Variants in OSBPL9 observed in about 807,000 individuals in gnomAD.
The protein encoded by OSBPL9 is oxysterol-binding protein-related protein 9.
In OSBPL9, 40 loss-of-function variants were observed where a neutral mutation model predicts 106.6. The observed-to-expected ratio is 0.38, with a 90% confidence interval of 0.29 to 0.49. OSBPL9 has a LOEUF of 0.49. OSBPL9 is among the 20% of genes least tolerant of loss of function. OSBPL9 has a pLI of 0.97. For missense variants in OSBPL9, 609 were observed against 887.2 expected (o/e 0.69, Z 3.98); for synonymous variants, 269 against 295.4 (o/e 0.91, Z 0.92).
At chr1:51,753,497 T>A (rs1452637540) in intron 8 of OSBPL9, among the ~76,000 whole-genome samples, 1 of 152,172 alleles carries the variant, frequency 6.6e-6, no homozygotes, top group Non-Finnish European at 1.5e-5. Context: ...TTGGAGAACT[T>A]CCATTGAGTA....
At chr1:51,597,461 A>G (rs556048846) in intron 1 of OSBPL9, among the ~76,000 whole-genome samples, 392 of 144,428 alleles carry the variant, frequency 2.7e-3, no homozygotes, top group South Asian at 0.012. Context: ...GTGTGTGTGT[A>G]TATACACACA....
intron 4 of OSBPL9, among the ~76,000 whole-genome samples, chr1:51,736,035 C>T (rs1665613651): frequency 6.6e-6 from 1 of 152,022 alleles, no homozygotes; most frequent in Non-Finnish European, 1.5e-5. Context: ...GAACTAGTTC[C>T]TTGATTACTT....
At chr1:51,600,730 A>G (rs1478944303) in intron 2 of OSBPL9, among the ~76,000 whole-genome samples, 1 of 152,194 alleles carries the variant, frequency 6.6e-6, no homozygotes, top group African/African-American at 2.4e-5. Flanking sequence ...TACTTGAGGT[A>G]CTTAGAAGTT....
At chr1:51,595,309 T>G (rs982414137) in intron 1 of OSBPL9, among the ~76,000 whole-genome samples, 1 of 152,118 alleles carries the variant, frequency 6.6e-6, no homozygotes, top group African/African-American at 2.4e-5. Flanking sequence ...CGCTCTCACT[T>G]GATTCCGTTC....
At chr1:51,580,948 ATATATAAC>A (rs1645218198) in intron 1 of OSBPL9, among the ~76,000 whole-genome samples, 1 of 1,202 alleles carries the variant, frequency 8.3e-4, no homozygotes, top group African/African-American at 2.3e-3. Context: ...ATATATATAT[ATATATAAC>A]TTTTTTGAAA....
At chr1:51,548,653 G>A in the OSBPL9 span, among the ~76,000 whole-genome samples, 1 of 152,190 alleles carries the variant, frequency 6.6e-6, no homozygotes. Flanking sequence ...ACCTCCCTCA[G>A]TCCTGGGATT....
intron 4 of OSBPL9, among the ~76,000 whole-genome samples, chr1:51,731,593 A>G (rs1299557278): frequency 6.6e-6 from 1 of 152,114 alleles, no homozygotes; most frequent in African/African-American, 2.4e-5. Flanking sequence ...ACTGGCCAAC[A>G]TGGTGAAACC....
chr1:51,562,825 CT>C, the OSBPL9 span, among the ~76,000 whole-genome samples: 1 of 152,206 alleles, frequency 6.6e-6, no homozygotes, highest in Admixed American at 6.5e-5. Flanking sequence ...ATCATGCTTG[CT>C]TCAGTCAGTT....
the OSBPL9 span, among the ~76,000 whole-genome samples, chr1:51,529,043 T>G: frequency 1.3e-5 from 2 of 152,202 alleles, no homozygotes; most frequent in East Asian, 3.8e-4. Flanking sequence ...GTTCATGAAT[T>G]GGAAGACTTA....
intron 1 of OSBPL9, among the ~76,000 whole-genome samples, chr1:51,594,413 AAAAG>A (rs1195082679): frequency 1.3e-5 from 2 of 152,116 alleles, no homozygotes; most frequent in Admixed American, 6.5e-5. Flanking sequence ...AAAAAAATAA[AAAAG>A]AAAGAAACAG....
intron 17 of OSBPL9, 75 bp from the exon 18 acceptor site, chr1:51,783,840 A>G: frequency 8.9e-7 from 1 of 1,119,274 alleles, no homozygotes; most frequent in South Asian, 1.4e-5. Context: ...GAAGCCAATT[A>G]TTTCCCCAGG....
intron 3 of OSBPL9, among the ~76,000 whole-genome samples, chr1:51,697,200 G>A (rs1656218875): frequency 7.4e-6 from 1 of 135,786 alleles, no homozygotes; most frequent in South Asian, 2.2e-4. Context: ...AGAAAAAAGC[G>A]TGAAGATAAT....
intron 1 of OSBPL9, among the ~76,000 whole-genome samples, chr1:51,588,006 A>C (rs1263217854): frequency 1.3e-5 from 2 of 152,242 alleles, no homozygotes; most frequent in Non-Finnish European, 2.9e-5. Context: ...AACCTCTCTG[A>C]ACCTGTTTCC....
At position 51,617,106 on chromosome 1, in the gene OSBPL9, C is replaced by A. The variant is rs763418013; in HGVS notation, c.-5C>A. On this transcript the variant is annotated 5_prime_UTR_variant, in exon 1 of 24. Coordinates refer to ENST00000428468, the MANE Select transcript of OSBPL9 (RefSeq NM_024586.6). ...GGCCGTTTGTTGTCATTGGCGGCTC[C>A]CAAGATGGCGTCCATCATGGAAGGG... 13 of 1,608,004 alleles carry A rather than the reference C, an allele frequency of 8.1e-6. No homozygotes were observed. The highest frequency in any genetic ancestry group is 1.7e-5 in the Admixed American group (1 of 59,000).
chr1:51,596,862 G>A (rs1275369315), intron 1 of OSBPL9, among the ~76,000 whole-genome samples: 2 of 152,190 alleles, frequency 1.3e-5, no homozygotes, highest in East Asian at 3.8e-4. Flanking sequence ...AGATACAGTG[G>A]AGAACAAGAC....
chr1:51,548,547 G>C, the OSBPL9 span, among the ~76,000 whole-genome samples: 1 of 151,570 alleles, frequency 6.6e-6, no homozygotes, highest in African/African-American at 2.4e-5. Context: ...GCTCCACGAT[G>C]CCCAGCTGAT....
chr1:51,736,714 C>A (rs1665785111), intron 4 of OSBPL9, among the ~76,000 whole-genome samples: 1 of 151,988 alleles, frequency 6.6e-6, no homozygotes, highest in Admixed American at 6.6e-5. Context: ...TTTGATGGAT[C>A]CTTAAAAGTA....
chr1:51,619,969 AAT>A (rs1644326277), intron 1 of OSBPL9, among the ~76,000 whole-genome samples: 1 of 152,126 alleles, frequency 6.6e-6, no homozygotes, highest in Non-Finnish European at 1.5e-5. Flanking sequence ...TGTGGTTGTT[AAT>A]ATATTCTAGG....
chr1:51,718,123 T>G (rs1299419699), intron 4 of OSBPL9, among the ~76,000 whole-genome samples: 1 of 152,234 alleles, frequency 6.6e-6, no homozygotes, highest in Non-Finnish European at 1.5e-5. Context: ...ACTTCACATG[T>G]TCTCACTTAT....
Sources: allele counts gnomAD v4.1 joint callset (sites outside exome capture counted in the v4.1 genomes callset), GRCh38; gene constraint gnomAD v4.1.1; transcripts MANE v1.5; gene names NCBI Gene and HGNC (gene_info 2026-07-23, HGNC 2026-07-21).